GRID2: variants seen among roughly 807,000 people sequenced by gnomAD.
GRID2 encodes the protein glutamate receptor ionotropic, delta-2.
GRID2 carries 33 observed loss-of-function variants against 114.8 expected under a neutral mutation model. That is an observed-to-expected ratio of 0.29 (90% CI 0.22 to 0.38). GRID2 has a LOEUF of 0.38. Ranked by LOEUF, GRID2 falls within the 10% of genes least tolerant of loss-of-function variation. The pLI is 1.00. For synonymous variants in GRID2, 505 were observed against 449.9 expected (o/e 1.12, Z -1.55); for missense variants, 1,184 against 1,257.7 (o/e 0.94, Z 0.89).
At chr4:93,584,125 C>A (rs897931606) in intron 13 of GRID2, among the ~76,000 whole-genome samples, 34 of 152,192 alleles carry the variant, frequency 2.2e-4, no homozygotes, top group African/African-American at 7.0e-4. Context: ...TAAAATATAT[C>A]TAGAAGTTCC....
intron 13 of GRID2, among the ~76,000 whole-genome samples, chr4:93,562,012 A>G (rs147971479): frequency 6.6e-6 from 1 of 152,254 alleles, no homozygotes; most frequent in East Asian, 1.9e-4. Context: ...TTTTGTACAG[A>G]CACGAGTTTT....
chr4:93,361,495 A>G (rs1761876580), intron 8 of GRID2, among the ~76,000 whole-genome samples: 1 of 150,254 alleles, frequency 6.7e-6, no homozygotes, highest in African/African-American at 2.4e-5. Flanking sequence ...TATTATTATT[A>G]TTATTTGTAG....
At chr4:92,926,149 A>G (rs1185496191) in intron 2 of GRID2, among the ~76,000 whole-genome samples, 3 of 151,992 alleles carry the variant, frequency 2.0e-5, no homozygotes, top group African/African-American at 7.2e-5. Flanking sequence ...GGTGGAGATT[A>G]ATTTTGCCCC....
chr4:93,077,976 T>C (rs774778328), intron 2 of GRID2, among the ~76,000 whole-genome samples: 13 of 152,134 alleles, frequency 8.5e-5, no homozygotes, highest in Non-Finnish European at 1.3e-4. Flanking sequence ...TAAATAGTGG[T>C]GCTAAGGCAT....
chr4:92,813,904 C>A (rs780371465), intron 2 of GRID2, among the ~76,000 whole-genome samples: 1 of 152,132 alleles, frequency 6.6e-6, no homozygotes, highest in Non-Finnish European at 1.5e-5. Context: ...CCATATATTT[C>A]TAGCCTAATT....
At chr4:93,249,848 G>A (rs1432094361) in intron 8 of GRID2, among the ~76,000 whole-genome samples, 1 of 152,022 alleles carries the variant, frequency 6.6e-6, no homozygotes, top group Non-Finnish European at 1.5e-5. Flanking sequence ...GGAAAAAACG[G>A]ATGCTGGAGA....
chr4:92,817,136 C>A (rs1383468816), intron 2 of GRID2, among the ~76,000 whole-genome samples: 1 of 152,102 alleles, frequency 6.6e-6, no homozygotes, highest in East Asian at 1.9e-4. Context: ...AAGTCATGTT[C>A]AATCTGTCTT....
chr4:93,113,130 T>C (rs1732924630), intron 4 of GRID2, among the ~76,000 whole-genome samples: 1 of 152,180 alleles, frequency 6.6e-6, no homozygotes, highest in Non-Finnish European at 1.5e-5. Flanking sequence ...CCTGTAAAAT[T>C]TGAGCTAGCA....
Position 92,304,630 on chromosome 4 carries a change from C to T in GRID2, c.-27C>T. 6.6e-7 allele frequency: 1 copy of T among 1,512,052 alleles called. No individual in the cohort carries two copies. The highest frequency in any genetic ancestry group is 1.4e-5 in the African/African-American group (1 of 72,890). 93.7% of individuals were successfully genotyped at this position (1,512,052 alleles called of 1,614,324 possible). On this transcript the variant is annotated 5_prime_UTR_variant, in exon 1 of 16. Transcript: ENST00000282020. ...AAAAAAAAATTGGAAGAAAATCCATCCTCCAAGAGAATCGGCATAGGAGGA... is the reference window on the plus strand; with the variant it reads ...AAAAAAAAATTGGAAGAAAATCCATTCTCCAAGAGAATCGGCATAGGAGGA...
At chr4:92,439,213 T>C (rs1579360282) in intron 1 of GRID2, among the ~76,000 whole-genome samples, 1 of 152,078 alleles carries the variant, frequency 6.6e-6, no homozygotes, top group East Asian at 1.9e-4. Flanking sequence ...AAAAGGACTT[T>C]CACAAGGTAA....
intron 12 of GRID2, among the ~76,000 whole-genome samples, chr4:93,494,145 T>G (rs1445601900): frequency 2.6e-5 from 4 of 151,870 alleles, no homozygotes; most frequent in Non-Finnish European, 5.9e-5. Flanking sequence ...AAGACAAACT[T>G]TTTTTCAAAG....
chr4:93,188,084 C>A (rs1740614806), intron 4 of GRID2, among the ~76,000 whole-genome samples: 1 of 152,160 alleles, frequency 6.6e-6, no homozygotes, highest in African/African-American at 2.4e-5. Context: ...GTTAGACTTG[C>A]ATGCTGAAGG....
intron 8 of GRID2, among the ~76,000 whole-genome samples, chr4:93,369,873 C>G (rs958503803): frequency 6.6e-6 from 1 of 152,194 alleles, no homozygotes; most frequent in African/African-American, 2.4e-5. Flanking sequence ...TAAAGAGCAT[C>G]TGTAACACAA....
intron 2 of GRID2, among the ~76,000 whole-genome samples, chr4:92,633,927 A>G (rs1730934238): frequency 6.6e-6 from 1 of 151,218 alleles, no homozygotes. Flanking sequence ...CAAGATTATT[A>G]CTTTCACAAA....
intron 1 of GRID2, among the ~76,000 whole-genome samples, chr4:92,470,069 A>C (rs1271503489): frequency 6.6e-6 from 1 of 151,962 alleles, no homozygotes; most frequent in Non-Finnish European, 1.5e-5. Flanking sequence ...AAGTATATTA[A>C]AATTTTTCTA....
intron 2 of GRID2, among the ~76,000 whole-genome samples, chr4:92,671,706 G>A (rs1271493986): frequency 1.3e-5 from 2 of 152,086 alleles, no homozygotes; most frequent in East Asian, 1.9e-4. Context: ...AATGTACAAT[G>A]TACTGGATAG....
intron 1 of GRID2, among the ~76,000 whole-genome samples, chr4:92,349,633 G>A (rs190229103): frequency 7.2e-4 from 109 of 150,866 alleles, no homozygotes; most frequent in African/African-American, 2.1e-3. Flanking sequence ...ACATTTTAGC[G>A]CATTATTTTG....
At chr4:93,517,467 T>G (rs1462940277) in intron 13 of GRID2, among the ~76,000 whole-genome samples, 4 of 152,092 alleles carry the variant, frequency 2.6e-5, no homozygotes, top group African/African-American at 4.8e-5. Flanking sequence ...AATGCTCTTC[T>G]GAATGAATTT....
intron 2 of GRID2, among the ~76,000 whole-genome samples, chr4:92,613,821 T>C (rs1729871338): frequency 1.3e-5 from 2 of 151,482 alleles, no homozygotes; most frequent in East Asian, 1.9e-4. Context: ...TTTTCTCCTT[T>C]GTGTTTCTTT....
Sources: allele counts gnomAD v4.1 joint callset (sites outside exome capture counted in the v4.1 genomes callset), GRCh38; gene constraint gnomAD v4.1.1; transcripts MANE v1.5; gene names NCBI Gene and HGNC (gene_info 2026-07-23, HGNC 2026-07-21).